SPTBN4: variants seen among roughly 807,000 people sequenced by gnomAD.
The protein encoded by SPTBN4 is spectrin beta chain, non-erythrocytic 4.
SPTBN4 carries 96 observed loss-of-function variants against 277.8 expected under a neutral mutation model. That is an observed-to-expected ratio of 0.35 (90% CI 0.29 to 0.41). The LOEUF (loss-of-function observed/expected upper bound fraction) is 0.41. Ranked by LOEUF, SPTBN4 falls within the 10% of genes least tolerant of loss-of-function variation. SPTBN4 has a pLI of 1.00. For missense variants in SPTBN4, 3,006 were observed against 3,595.7 expected, an observed-to-expected ratio of 0.84 and a Z score of 4.19; for synonymous variants, 1,481 against 1,580.3, an observed-to-expected ratio of 0.94 and a Z score of 1.49.
chr19:40,503,838 T>C lies in SPTBN4; in HGVS notation c.1371T>C (p.Phe457=), dbSNP rs1346044547. The change falls in exon 12 of 36, where the codon TTT becomes TTC. Residue 457 remains phenylalanine, a synonymous_variant. Coordinates refer to ENST00000598249, the MANE Select transcript of SPTBN4 (RefSeq NM_020971.3). ...ENQRLVSQDN[F]GYELPAVEAA... ...CTGGCTCACTGCCCCAGGACAACTTTGGGTATGAGCTGCCCGCAGTGGAGG... is the reference window on the plus strand; with the variant it reads ...CTGGCTCACTGCCCCAGGACAACTTCGGGTATGAGCTGCCCGCAGTGGAGG... The C allele has an allele frequency of 6.3e-7, 1 of 1,582,786 alleles. No individual in the cohort carries two copies. The highest frequency in any genetic ancestry group is 1.7e-5 in the Admixed American group (1 of 58,636).
intron 20 of SPTBN4, among the ~76,000 whole-genome samples, chr19:40,545,167 C>T (rs1269993764): frequency 6.6e-6 from 1 of 151,964 alleles, no homozygotes; most frequent in Non-Finnish European, 1.5e-5. Flanking sequence ...GTGATCTCGG[C>T]TCACTGCAAC....
intron 22 of SPTBN4, among the ~76,000 whole-genome samples, chr19:40,551,360 C>T (rs901753192): frequency 3.3e-5 from 5 of 151,544 alleles, no homozygotes; most frequent in African/African-American, 1.2e-4. Context: ...CTGCACTCCA[C>T]CCTGTGCAAC....
intron 2 of SPTBN4, among the ~76,000 whole-genome samples, chr19:40,482,888 G>C (rs2080028305): frequency 6.6e-6 from 1 of 152,068 alleles, no homozygotes; most frequent in African/African-American, 2.4e-5. Context: ...TTGAACCTGG[G>C]GGGTGGAGGT....
rs201088052 is a variant in SPTBN4 at position 40,515,870 on chromosome 19, G to GCACACACA, written c.2903+423_2903+424insACACACAC. Among the ~76,000 whole-genome samples the GCACACACA allele has an allele frequency of 8.1e-6, 1 of 124,042 alleles. No homozygotes were observed. Among genetic ancestry groups the GCACACACA allele is most frequent in the Non-Finnish European group, 1.6e-5 (1 of 60,888 alleles). The allele number at this position is 124,042 out of a possible 152,430, so 81.4% of individuals were successfully genotyped here. A position where few individuals can be genotyped will look rare whatever the true frequency, so the allele number is the denominator to read the frequency against. On this transcript the variant is annotated intron_variant, in intron 15 of 35. Coordinates refer to ENST00000598249, the MANE Select transcript of SPTBN4 (RefSeq NM_020971.3). This position sits in a 1 kb window ranked among gnomAD's most constrained non-coding sequence, Gnocchi z 4.1. ...AAACCCCGTCTCTCTCTCTACGTGC[G>GCACACACA]CGCACACACACACACACACACACAC...
At chr19:40,520,372 GTGGGGTAGGT>G (rs1194519673) in intron 16 of SPTBN4, among the ~76,000 whole-genome samples, 4 of 152,238 alleles carry the variant, frequency 2.6e-5, no homozygotes, top group African/African-American at 9.6e-5. Flanking sequence ...AGTATCATCA[GTGGGGTAGGT>G]TGGTGTCTTA....
chr19:40,522,604 G>A lies in SPTBN4; in HGVS notation c.3655-833G>A, dbSNP rs150405539. On this transcript the variant is annotated intron_variant, in intron 16 of 35. Coordinates refer to ENST00000598249, the MANE Select transcript of SPTBN4 (RefSeq NM_020971.3). ...TGACCTCAGGTGATCCACCCACCTC[G>A]GCCTCCCAAAGTGCTGGGATTACAG... Among the ~76,000 whole-genome samples, 1,048 of 141,236 alleles carry A rather than the reference G, an allele frequency of 7.4e-3. 6 individuals carry two copies. The highest frequency in any genetic ancestry group is 0.022 in the Middle Eastern group (5 of 226). The allele number at this position is 141,236 out of a possible 152,430, so 92.7% of individuals were successfully genotyped here. A position where few individuals can be genotyped will look rare whatever the true frequency, so the allele number is the denominator to read the frequency against.
At chr19:40,562,287 T>A (rs2081050099) in intron 27 of SPTBN4, among the ~76,000 whole-genome samples, 2 of 152,176 alleles carry the variant, frequency 1.3e-5, no homozygotes, top group South Asian at 4.1e-4. Flanking sequence ...CCCAGCACTT[T>A]GGGAGGCCAA....
chr19:40,487,998 C>T, intron 3 of SPTBN4, 150 bp downstream of exon 3: 1 of 922,038 alleles, frequency 1.1e-6, no homozygotes, highest in Non-Finnish European at 1.5e-6. Flanking sequence ...AGAGGTCCCT[C>T]TACTCGGGTG....
At position 40,531,464 on chromosome 19, in the gene SPTBN4, G is replaced by GTTTT. The variant is rs71173645; in HGVS notation, c.3949-1129_3949-1126dup. Among the ~76,000 whole-genome samples the GTTTT allele has an allele frequency of 5.6e-3, 229 of 40,926 alleles. 31 individuals are homozygous for GTTTT. Among genetic ancestry groups the GTTTT allele is most frequent in the East Asian group, 0.02 (14 of 712 alleles). The allele number at this position is 40,926 out of a possible 152,430, so 26.8% of individuals were successfully genotyped here. A position where few individuals can be genotyped will look rare whatever the true frequency, so the allele number is the denominator to read the frequency against. On this transcript the variant is annotated intron_variant, in intron 18 of 35. Coordinates refer to ENST00000598249, the MANE Select transcript of SPTBN4 (RefSeq NM_020971.3). Reference sequence around the variant, plus strand: ...ACCGCGGAGCTGGAGTCCAGTGTTTGTTTTTTTTTTTTTTTTTTTTTTTTT... The same window carrying GTTTT: ...ACCGCGGAGCTGGAGTCCAGTGTTTGTTTTTTTTTTTTTTTTTTTTTTTTTTTTT...
intron 20 of SPTBN4, among the ~76,000 whole-genome samples, chr19:40,542,968 T>C (rs1174984950): frequency 2.6e-5 from 4 of 152,064 alleles, no homozygotes; most frequent in Non-Finnish European, 4.4e-5. Context: ...GATCAGTAAC[T>C]CAAATTACGT....
chr19:40,491,478 A>G (rs1429193188), intron 4 of SPTBN4, among the ~76,000 whole-genome samples: 1 of 152,088 alleles, frequency 6.6e-6, no homozygotes, highest in Non-Finnish European at 1.5e-5. Context: ...ATGGCGGCTC[A>G]TGCCCATAAT....
intron 1 of SPTBN4, among the ~76,000 whole-genome samples, chr19:40,468,149 C>T (rs2079847705): frequency 6.6e-6 from 1 of 151,518 alleles, no homozygotes; most frequent in Non-Finnish European, 1.5e-5. Flanking sequence ...GCGATCTTGG[C>T]TCACTGCAAC....
At position 40,567,930 on chromosome 19, in the gene SPTBN4, G is replaced by T. The variant is rs2145955265; in HGVS notation, c.6604G>T (p.Val2202Leu). The T allele has an allele frequency of 2.0e-6, 3 of 1,518,956 alleles. No homozygotes were observed. The East Asian group carries it at 8.0e-5, about 41-fold the overall frequency. The allele number at this position is 1,518,956 out of a possible 1,614,324, so 94.1% of individuals were successfully genotyped here. Reference protein sequence around the residue: ...IDRLPEIPGRVEPAALPAAPE... With the variant: ...IDRLPEIPGRLEPAALPAAPE... ...CCGGCTGCCGGAGATCCCGGGGAGG[G>T]TGGAGCCCGCGGCCCTGCCGGCCGC... The change falls in exon 31 of 36, where the codon GTG (valine) becomes TTG (leucine). Residue 2202 changes from valine (V) to leucine (L), a missense_variant. Physicochemically the swap from Val to Leu is conservative, Grantham distance 32. Transcript: ENST00000598249.
intron 20 of SPTBN4, among the ~76,000 whole-genome samples, chr19:40,542,594 T>C (rs2080813852): frequency 1.3e-5 from 2 of 151,928 alleles, no homozygotes; most frequent in African/African-American, 2.4e-5. Flanking sequence ...CCCCACACTT[T>C]TTCCAGGCCC....
intron 4 of SPTBN4, among the ~76,000 whole-genome samples, chr19:40,491,475 C>T (rs1599725549): frequency 1.3e-5 from 2 of 151,912 alleles, no homozygotes; most frequent in Admixed American, 1.3e-4. Flanking sequence ...GGCATGGCGG[C>T]TCATGCCCAT....
chr19:40,519,687 G>A lies in SPTBN4; in HGVS notation c.3190G>A (p.Glu1064Lys). The change falls in exon 16 of 36, where the codon GAG becomes AAG. Residue 1064 changes from glutamate (E) to lysine (K), a missense_variant. Glu to Lys is a moderately conservative substitution (Grantham distance 56). Around this residue, in one of 5 missense-constraint regions of SPTBN4, gnomAD observed 1,759 missense variants for 2,061.5 expected, o/e 0.85. Coordinates refer to ENST00000598249, the MANE Select transcript of SPTBN4 (RefSeq NM_020971.3). The surrounding 1 kb of genome is among the most constrained non-coding windows in gnomAD (Gnocchi z 5.7). Reference sequence around the variant, plus strand: ...GGCGGCGCGGCTGCACCAGGGCGCGGAGGAGCTGGGCGCCGAGTGGGGCGC... The same window carrying A: ...GGCGGCGCGGCTGCACCAGGGCGCGAAGGAGCTGGGCGCCGAGTGGGGCGC... Reference protein sequence around the residue: ...AQAARLHQGAEELGAEWGALA... With the variant: ...AQAARLHQGAKELGAEWGALA... 37 of 1,390,556 alleles carry A rather than the reference G, an allele frequency of 2.7e-5. No homozygotes were observed. The highest frequency in any genetic ancestry group is 3.2e-5 in the Non-Finnish European group (35 of 1,083,326). 86.1% of individuals were successfully genotyped at this position (1,390,556 alleles called of 1,614,324 possible).
At chr19:40,498,447 C>T in intron 7 of SPTBN4, among the ~76,000 whole-genome samples, 1 of 150,758 alleles carries the variant, frequency 6.6e-6, no homozygotes, top group South Asian at 2.1e-4. Flanking sequence ...ACTCTGTCGC[C>T]CAGGCTGGAG....
Position 40,523,624 on chromosome 19 carries a change from C to G in SPTBN4, c.3842C>G (p.Thr1281Ser). ...GGGGAGCAGGCTCAGGAGGCTGTGA[C>G]CCGGCTGCTGGAGAAGTAGGTCCCC... is the stretch of plus-strand genomic sequence containing the variant. Reference protein sequence around the residue: ...IYGEQAQEAVTRLLEKNQENQ... With the variant: ...IYGEQAQEAVSRLLEKNQENQ... The change falls in exon 17 of 36, where the codon ACC (threonine) becomes AGC (serine). Residue 1281 changes from threonine to serine, a missense_variant. Thr to Ser is a moderately conservative substitution (Grantham distance 58, BLOSUM62 1). Around this residue, in one of 5 missense-constraint regions of SPTBN4, gnomAD observed 1,759 missense variants for 2,061.5 expected, o/e 0.85. Coordinates refer to ENST00000598249, the MANE Select transcript of SPTBN4 (RefSeq NM_020971.3). The G allele has an allele frequency of 6.2e-7, 1 of 1,611,680 alleles. No homozygotes were observed. Among genetic ancestry groups the G allele is most frequent in the Admixed American group, 1.7e-5 (1 of 59,952 alleles).
intron 20 of SPTBN4, 164 bp downstream of exon 20, chr19:40,534,507 T>C (rs1405553761): frequency 3.2e-6 from 3 of 950,692 alleles, no homozygotes; most frequent in Admixed American, 5.7e-5. Flanking sequence ...CAGCTAGTAA[T>C]AACTGTTGGA....
Sources: allele counts gnomAD v4.1 joint callset (sites outside exome capture counted in the v4.1 genomes callset), GRCh38; gene constraint gnomAD v4.1.1; regional missense constraint gnomAD v4.1.1; non-coding constraint Gnocchi (gnomAD v3.1); transcripts MANE v1.5; gene names NCBI Gene and HGNC (gene_info 2026-07-23, HGNC 2026-07-21).